DCC: variants seen among roughly 807,000 people sequenced by gnomAD.
DCC encodes the protein netrin receptor DCC.
DCC carries 58 observed loss-of-function variants against 172.5 expected under a neutral mutation model. That is an observed-to-expected ratio of 0.34 (90% confidence interval 0.27 to 0.42). The LOEUF is 0.42. Among genes scored for constraint, DCC ranks in the 10% least tolerant of loss-of-function variants. The pLI, the probability that DCC is intolerant of heterozygous loss-of-function variation, is 1.00. For synonymous variants in DCC, 709 were observed against 644.5 expected (o/e 1.10, Z -1.52); for missense variants, 1,740 against 1,791.0 (o/e 0.97, Z 0.51).
intron 1 of DCC, among the ~76,000 whole-genome samples, chr18:52,688,676 AATG>A (rs1347925098): frequency 7.9e-5 from 12 of 152,100 alleles, no homozygotes; most frequent in Non-Finnish European, 1.5e-5. Flanking sequence ...AACTGTATGA[AATG>A]ATGGAGATCT....
intron 1 of DCC, among the ~76,000 whole-genome samples, chr18:52,495,631 C>T (rs528044517): frequency 7.3e-4 from 111 of 152,114 alleles, no homozygotes; most frequent in Non-Finnish European, 1.5e-3. Flanking sequence ...CCCGAAACAG[C>T]AGAAATTTCA....
intron 12 of DCC, among the ~76,000 whole-genome samples, chr18:53,223,291 T>G (rs1025080129): frequency 8.5e-5 from 13 of 152,318 alleles, no homozygotes; most frequent in African/African-American, 2.9e-4. Context: ...TCACTGCCAT[T>G]GAGTATACTT....
intron 12 of DCC, among the ~76,000 whole-genome samples, chr18:53,223,441 C>CT (rs1159990889): frequency 1.3e-5 from 2 of 152,044 alleles, no homozygotes; most frequent in African/African-American, 4.8e-5. Flanking sequence ...CTGCTTGGCT[C>CT]TGAAGGCAAA....
At chr18:53,496,001 C>A (rs2046018752) in intron 26 of DCC, among the ~76,000 whole-genome samples, 1 of 152,168 alleles carries the variant, frequency 6.6e-6, no homozygotes, top group Non-Finnish European at 1.5e-5. Context: ...GACAGAGCAC[C>A]TGGGGGAAGG....
intron 21 of DCC, among the ~76,000 whole-genome samples, chr18:53,431,960 A>G (rs1436963784): frequency 2.0e-5 from 3 of 152,170 alleles, no homozygotes; most frequent in African/African-American, 4.8e-5. Flanking sequence ...CCATAAATCC[A>G]TTTAATTATT....
intron 12 of DCC, among the ~76,000 whole-genome samples, chr18:53,253,879 A>G (rs892555706): frequency 1.3e-5 from 2 of 152,054 alleles, no homozygotes; most frequent in Non-Finnish European, 2.9e-5. Flanking sequence ...ATTCTACATG[A>G]CTAATGAGTT....
intron 16 of DCC, among the ~76,000 whole-genome samples, chr18:53,388,721 T>C (rs1908342514): frequency 6.6e-6 from 1 of 152,262 alleles, no homozygotes; most frequent in Non-Finnish European, 1.5e-5. Flanking sequence ...CATTGATTTA[T>C]TCTCAACTGC....
chr18:52,522,111 G>A (rs1033214915), intron 1 of DCC, among the ~76,000 whole-genome samples: 1 of 152,080 alleles, frequency 6.6e-6, no homozygotes, highest in Non-Finnish European at 1.5e-5. Context: ...ATAATCATAA[G>A]GCAATAATAG....
chr18:52,948,873 G>A (rs2040591563), intron 5 of DCC, among the ~76,000 whole-genome samples: 1 of 152,134 alleles, frequency 6.6e-6, no homozygotes, highest in Non-Finnish European at 1.5e-5. Context: ...GTCTCTGAGA[G>A]CTTAAGTGTG....
At chr18:52,923,491 T>C (rs2040154965) in intron 3 of DCC, among the ~76,000 whole-genome samples, 1 of 152,182 alleles carries the variant, frequency 6.6e-6, no homozygotes, top group South Asian at 2.1e-4. Flanking sequence ...AGCCTCAAGC[T>C]GATGCCCTAT....
intron 2 of DCC, among the ~76,000 whole-genome samples, chr18:52,868,562 T>C (rs538402563): frequency 2.6e-5 from 4 of 152,358 alleles, no homozygotes; most frequent in African/African-American, 9.6e-5. Flanking sequence ...TGCTCATTCC[T>C]AGGCATGGAC....
chr18:53,304,784 C>A (rs1237852365), intron 12 of DCC, among the ~76,000 whole-genome samples: 5 of 152,158 alleles, frequency 3.3e-5, no homozygotes, highest in African/African-American at 4.8e-5. Context: ...CATTGCCTTG[C>A]TTTTTTATTA....
At position 52,850,829 on chromosome 18, in the gene DCC, TTA is replaced by T. The variant is rs141224423; in HGVS notation, c.413-55213_413-55212del. ...ATCATATTTAGGGTCAGATTTTATTTTATGTGTTATTGAATGCATTGTAAATC... is the reference window on the plus strand; with the variant it reads ...ATCATATTTAGGGTCAGATTTTATTTTGTGTTATTGAATGCATTGTAAATC... On this transcript the variant is annotated intron_variant, in intron 2 of 28. Transcript: ENST00000442544. Among the ~76,000 whole-genome samples the T allele has an allele frequency of 2.8e-3, 433 of 152,272 alleles. 4 individuals carry two copies. The highest frequency in any genetic ancestry group is 0.01 in the African/African-American group (419 of 41,578).
intron 3 of DCC, among the ~76,000 whole-genome samples, chr18:52,916,959 T>A (rs541033765): frequency 3.6e-4 from 55 of 152,036 alleles, no homozygotes; most frequent in Admixed American, 1.8e-3. Flanking sequence ...GGTGTTTTTT[T>A]AAAAATATTA....
chr18:52,649,182 G>C (rs993747249), intron 1 of DCC, among the ~76,000 whole-genome samples: 3 of 152,114 alleles, frequency 2.0e-5, no homozygotes, highest in Non-Finnish European at 4.4e-5. Flanking sequence ...GACCATACTG[G>C]CTAACACGGT....
chr18:52,970,041 A>G (rs1421316706), intron 5 of DCC, among the ~76,000 whole-genome samples: 1 of 152,150 alleles, frequency 6.6e-6, no homozygotes, highest in Non-Finnish European at 1.5e-5. Context: ...AAATTACTTA[A>G]TAAAGAATTA....
At chr18:52,469,380 A>G (rs1044701836) in intron 1 of DCC, among the ~76,000 whole-genome samples, 16 of 152,274 alleles carry the variant, frequency 1.1e-4, no homozygotes, top group African/African-American at 2.2e-4. Flanking sequence ...GCTGGAAAAC[A>G]ATTTTCAAGC....
At chr18:53,032,862 G>A (rs1028392527) in intron 5 of DCC, among the ~76,000 whole-genome samples, 12 of 152,098 alleles carry the variant, frequency 7.9e-5, no homozygotes, top group African/African-American at 2.9e-4. Context: ...TAACACTTGA[G>A]GTGGAAATGG....
rs202183918 is a variant in DCC at position 53,467,881 on chromosome 18, G to A, written c.3620-13G>A. On this transcript the variant is annotated splice_polypyrimidine_tract_variant and intron_variant, in intron 24 of 28. Transcript: ENST00000442544. ...TGAAGAGGGCATGTTTCTCAGGAGT[G>A]TGTATTTTTTAGGTCAAGACACTGA... 2.1e-5 allele frequency: 28 copies of A among 1,327,592 alleles called. No individual in the cohort carries two copies. The highest frequency in any genetic ancestry group is 2.9e-5 in the Non-Finnish European group (27 of 918,280). 82.2% of individuals were successfully genotyped at this position (1,327,592 alleles called of 1,614,324 possible). A position where few individuals can be genotyped will look rare whatever the true frequency, so the allele number is the denominator to read the frequency against.
Sources: allele counts gnomAD v4.1 joint callset (sites outside exome capture counted in the v4.1 genomes callset), GRCh38; gene constraint gnomAD v4.1.1; transcripts MANE v1.5; gene names NCBI Gene and HGNC (gene_info 2026-07-23, HGNC 2026-07-21).